Variants in MEI4 observed in about 807,000 individuals in gnomAD.
MEI4 encodes meiosis-specific protein MEI4.
A neutral mutation model predicts 31.4 loss-of-function variants in MEI4; 27 were observed. That is an observed-to-expected ratio of 0.86 (90% CI 0.63 to 1.19). The LOEUF (loss-of-function observed/expected upper bound fraction) is 1.19, where lower values mean the gene tolerates loss of function less well. Ranked by LOEUF, MEI4 falls within the 50% of genes most tolerant of loss-of-function variation. The probability of loss-of-function intolerance (pLI) is 0.00; values close to 1 mark genes in which losing one functional copy is unlikely to be tolerated. For missense variants in MEI4, 329 were observed against 398.9 expected, an observed-to-expected ratio of 0.82 and a Z score of 1.49; for synonymous variants, 122 against 145.4, an observed-to-expected ratio of 0.84 and a Z score of 1.16.
At chr6:77,754,418 G>A (rs1480855056) in intron 2 of MEI4, among the ~76,000 whole-genome samples, 1 of 152,118 alleles carries the variant, frequency 6.6e-6, no homozygotes, top group East Asian at 1.9e-4. Flanking sequence ...GACCACCTCA[G>A]CCTAGGCTTT....
At chr6:77,776,857 C>T (rs779923466) in intron 3 of MEI4, among the ~76,000 whole-genome samples, 1 of 152,068 alleles carries the variant, frequency 6.6e-6, no homozygotes, top group African/African-American at 2.4e-5. Flanking sequence ...GATGGCAAGT[C>T]ATTGATTGTT....
intron 2 of MEI4, among the ~76,000 whole-genome samples, chr6:77,756,886 A>T (rs1451477909): frequency 1.3e-5 from 2 of 152,170 alleles, no homozygotes; most frequent in Non-Finnish European, 2.9e-5. Flanking sequence ...AGATGATTCT[A>T]TTGTTTAGTG....
chr6:77,923,355 CT>C lies in MEI4; in HGVS notation c.*11del. 1 of 1,229,270 alleles carries C rather than the reference CT, an allele frequency of 8.1e-7. No homozygotes were observed. The highest frequency in any genetic ancestry group is 1.0e-6 in the Non-Finnish European group (1 of 985,982). 76.1% of individuals were successfully genotyped at this position (1,229,270 alleles called of 1,614,324 possible). A position where few individuals can be genotyped will look rare whatever the true frequency, so the allele number is the denominator to read the frequency against. On this transcript the variant is annotated 3_prime_UTR_variant, in exon 5 of 5. Coordinates refer to ENST00000684080, the MANE Select transcript of MEI4 (RefSeq NM_001322247.2). Reference sequence around the variant, plus strand: ...AAACTCTTAGAAAATAACTCCATTCCTTAGCAATTTACCACGTTTGAAGCAT... The same window carrying C: ...AAACTCTTAGAAAATAACTCCATTCCTAGCAATTTACCACGTTTGAAGCAT...
At chr6:77,758,924 C>G (rs1259991487) in intron 2 of MEI4, among the ~76,000 whole-genome samples, 1 of 152,182 alleles carries the variant, frequency 6.6e-6, no homozygotes, top group Non-Finnish European at 1.5e-5. Flanking sequence ...TACTTCCAGT[C>G]TTCACTTACT....
At position 77,859,713 on chromosome 6, in the gene MEI4, C is replaced by T. The variant is rs144948836; in HGVS notation, c.900+30651C>T. On this transcript the variant is annotated intron_variant, in intron 4 of 4. Transcript: ENST00000684080. ...TCAGAAAGGATTCTTATTGGGGCTA[C>T]TCGTGCATATTAAATCATGGAAAAA... Among the ~76,000 whole-genome samples, 85 of 152,104 alleles carry T rather than the reference C, an allele frequency of 5.6e-4. 1 individual carries two copies. The highest frequency in any genetic ancestry group is 2.0e-3 in the African/African-American group (83 of 41,528).
At chr6:77,771,148 A>G (rs1205723312) in intron 3 of MEI4, among the ~76,000 whole-genome samples, 1 of 152,226 alleles carries the variant, frequency 6.6e-6, no homozygotes, top group Non-Finnish European at 1.5e-5. Flanking sequence ...ACACTTTTCA[A>G]AAGAAGACAT....
At chr6:77,842,372 A>T (rs1424242016) in intron 4 of MEI4, among the ~76,000 whole-genome samples, 1 of 152,174 alleles carries the variant, frequency 6.6e-6, no homozygotes, top group African/African-American at 2.4e-5. Context: ...AAAGTATGAC[A>T]TGATAATTTA....
intron 1 of MEI4, among the ~76,000 whole-genome samples, chr6:77,676,343 G>C (rs1190705307): frequency 6.6e-6 from 1 of 151,782 alleles, no homozygotes; most frequent in Non-Finnish European, 1.5e-5. Context: ...GGGCAACATA[G>C]GGTGATCCCC....
chr6:77,777,523 T>C (rs1768482570), intron 3 of MEI4, among the ~76,000 whole-genome samples: 1 of 152,070 alleles, frequency 6.6e-6, no homozygotes, highest in South Asian at 2.1e-4. Flanking sequence ...TAGAATAAAA[T>C]TGACCATCCC....
At chr6:77,659,784 T>C (rs1768467571) in intron 1 of MEI4, among the ~76,000 whole-genome samples, 1 of 152,046 alleles carries the variant, frequency 6.6e-6, no homozygotes, top group Admixed American at 6.5e-5. Context: ...CAGTGATGTG[T>C]GTAGTTGGGC....
chr6:77,675,594 T>G (rs778670193), intron 1 of MEI4, among the ~76,000 whole-genome samples: 8 of 151,746 alleles, frequency 5.3e-5, no homozygotes, highest in Non-Finnish European at 7.4e-5. Context: ...TTAAAATATC[T>G]CTTATCAATA....
At chr6:77,917,394 A>C (rs1350137698) in intron 4 of MEI4, among the ~76,000 whole-genome samples, 2 of 151,168 alleles carry the variant, frequency 1.3e-5, no homozygotes, top group South Asian at 2.1e-4. Flanking sequence ...CCAACAGTGT[A>C]AAAGTGTTCC....
At chr6:77,744,863 C>T (rs1302320907) in intron 2 of MEI4, among the ~76,000 whole-genome samples, 2 of 152,156 alleles carry the variant, frequency 1.3e-5, no homozygotes, top group East Asian at 1.9e-4. Flanking sequence ...CATATCCAGC[C>T]AAACTAAGCT....
chr6:77,656,128 C>A lies in MEI4; in HGVS notation c.-15+3036C>A, dbSNP rs183044716. 1.9e-3 allele frequency among the ~76,000 whole-genome samples: 292 copies of A among 152,090 alleles called. 1 individual carries two copies. Among genetic ancestry groups the A allele is most frequent in the Non-Finnish European group, 2.1e-3 (142 of 67,952 alleles). On this transcript the variant is annotated intron_variant, in intron 1 of 4. Transcript: ENST00000684080. ...CATGGCAGAACTCTGGAAAATAAATCCTCTTGTATTTAACATGTGCTTTAG... is the reference window on the plus strand; with the variant it reads ...CATGGCAGAACTCTGGAAAATAAATACTCTTGTATTTAACATGTGCTTTAG...
At chr6:77,694,403 C>A (rs1769217777) in intron 2 of MEI4, among the ~76,000 whole-genome samples, 1 of 151,500 alleles carries the variant, frequency 6.6e-6, no homozygotes, top group Non-Finnish European at 1.5e-5. Context: ...CTAATGCTAT[C>A]CCTCCCCCTT....
rs5877568 is a variant in MEI4 at position 77,746,638 on chromosome 6, CGTGTGTGTGTGTGTGT to C, written c.233-14471_233-14456del. On this transcript the variant is annotated intron_variant, in intron 2 of 4. Transcript: ENST00000684080. ...TAAGTCAGTTTCTTAAAATATATGG[CGTGTGTGTGTGTGTGT>C]GTGTGTGTGTGTGTGTGTGTATGAA... Among the ~76,000 whole-genome samples the C allele has an allele frequency of 9.5e-5, 13 of 136,656 alleles. No individual in the cohort carries two copies. In the East Asian group the frequency reaches 1.6e-3, roughly 16 times the overall value. The allele number at this position is 136,656 out of a possible 152,430, so 89.7% of individuals were successfully genotyped here.
intron 2 of MEI4, among the ~76,000 whole-genome samples, chr6:77,758,555 A>T (rs931984166): frequency 3.9e-5 from 6 of 152,162 alleles, no homozygotes; most frequent in Admixed American, 6.6e-5. Context: ...AAACTTTAAG[A>T]AAATATTACT....
At chr6:77,711,000 AC>A (rs1766451795) in intron 2 of MEI4, among the ~76,000 whole-genome samples, 2 of 152,064 alleles carry the variant, frequency 1.3e-5, no homozygotes, top group Non-Finnish European at 2.9e-5. Context: ...AAAGAATGGA[AC>A]CCCCATTCTA....
At chr6:77,739,146 G>A (rs949033260) in intron 2 of MEI4, among the ~76,000 whole-genome samples, 2 of 152,076 alleles carry the variant, frequency 1.3e-5, no homozygotes, top group East Asian at 3.9e-4. Flanking sequence ...TGGTCATGAA[G>A]TCTTTGCCCA....
Sources: gnomAD v4.1 joint callset for allele counts (sites outside exome capture counted in the v4.1 genomes callset) on GRCh38, gnomAD v4.1.1 for gene constraint, MANE v1.5 for transcripts, NCBI Gene and HGNC (gene_info 2026-07-23, HGNC 2026-07-21) for gene names.